LINGO2: variants seen among roughly 807,000 people sequenced by gnomAD.
LINGO2 encodes leucine-rich repeat and immunoglobulin-like domain-containing nogo receptor-interacting protein 2.
A neutral mutation model predicts 30.6 loss-of-function variants in LINGO2; 14 were observed. That is an observed-to-expected ratio of 0.46 (90% CI 0.30 to 0.72). LINGO2 has a LOEUF of 0.72. LINGO2 is among the 30% of genes least tolerant of loss of function. The probability of loss-of-function intolerance (pLI) is 0.07; values close to 1 mark genes in which losing one functional copy is unlikely to be tolerated. For synonymous variants in LINGO2, 317 were observed against 288.5 expected (o/e 1.10, Z -1.00); for missense variants, 729 against 751.7 (o/e 0.97, Z 0.35).
At chr9:28,985,661 C>A in the LINGO2 span, among the ~76,000 whole-genome samples, 1 of 151,930 alleles carries the variant, frequency 6.6e-6, no homozygotes, top group Admixed American at 6.6e-5. Context: ...TGTATGTCTT[C>A]CTTTGAGAAA....
At chr9:28,610,518 T>C (rs1286499424) in intron 1 of LINGO2, among the ~76,000 whole-genome samples, 2 of 152,172 alleles carry the variant, frequency 1.3e-5, no homozygotes, top group African/African-American at 2.4e-5. Flanking sequence ...AATTACCTTA[T>C]GAAAGGGCTA....
intron 1 of LINGO2, among the ~76,000 whole-genome samples, chr9:28,515,930 G>T (rs1425945122): frequency 1.3e-5 from 2 of 152,080 alleles, no homozygotes; most frequent in African/African-American, 2.4e-5. Context: ...TTATTTTAAA[G>T]AAATTGCCGC....
At chr9:29,190,410 A>C in the LINGO2 span, among the ~76,000 whole-genome samples, 1 of 152,198 alleles carries the variant, frequency 6.6e-6, no homozygotes, top group Admixed American at 6.5e-5. Flanking sequence ...TCCTGGCAAT[A>C]AAATGGATCT....
chr9:28,929,352 G>T, the LINGO2 span, among the ~76,000 whole-genome samples: 1 of 152,178 alleles, frequency 6.6e-6, no homozygotes, highest in Non-Finnish European at 1.5e-5. Context: ...AGGGATAAAA[G>T]AGTATTAGAA....
chr9:29,112,945 T>G, the LINGO2 span, among the ~76,000 whole-genome samples: 1 of 152,086 alleles, frequency 6.6e-6, no homozygotes, highest in Admixed American at 6.5e-5. Flanking sequence ...CAAACCCCAC[T>G]CTCATTAAGT....
chr9:29,050,567 T>A, the LINGO2 span, among the ~76,000 whole-genome samples: 1 of 152,178 alleles, frequency 6.6e-6, no homozygotes, highest in Non-Finnish European at 1.5e-5. Context: ...AAAAGAAGCA[T>A]GTATGCATAT....
chr9:29,055,940 G>GTGTATA, the LINGO2 span, among the ~76,000 whole-genome samples: 127 of 119,940 alleles, frequency 1.1e-3, no homozygotes, highest in East Asian at 3.4e-3. Context: ...ATGTGTGTGT[G>GTGTATA]TATATATACA....
At chr9:28,406,044 A>G (rs886350560) in intron 2 of LINGO2, among the ~76,000 whole-genome samples, 1 of 152,110 alleles carries the variant, frequency 6.6e-6, no homozygotes, top group African/African-American at 2.4e-5. Flanking sequence ...CAATGCATTC[A>G]TATTTTTCTT....
At chr9:28,597,720 A>C (rs1030175155) in intron 1 of LINGO2, among the ~76,000 whole-genome samples, 1 of 152,062 alleles carries the variant, frequency 6.6e-6, no homozygotes, top group Non-Finnish European at 1.5e-5. Flanking sequence ...TAATTATAAA[A>C]CTATTTTGTA....
chr9:28,030,233 G>A (rs1227756533), intron 4 of LINGO2, among the ~76,000 whole-genome samples: 1 of 152,094 alleles, frequency 6.6e-6, no homozygotes, highest in Non-Finnish European at 1.5e-5. Context: ...ACACTAACTT[G>A]GAACATGAGA....
At chr9:29,078,335 T>C in the LINGO2 span, among the ~76,000 whole-genome samples, 1 of 151,898 alleles carries the variant, frequency 6.6e-6, no homozygotes, top group Non-Finnish European at 1.5e-5. Flanking sequence ...TAATAACTTG[T>C]TTAGGAAATG....
intron 1 of LINGO2, among the ~76,000 whole-genome samples, chr9:28,498,655 C>T (rs544714530): frequency 6.6e-6 from 1 of 152,178 alleles, no homozygotes; most frequent in Admixed American, 6.5e-5. Context: ...GTGGGCTGCA[C>T]CCACTGTCCT....
intron 1 of LINGO2, among the ~76,000 whole-genome samples, chr9:28,502,658 A>T (rs924602736): frequency 2.0e-5 from 3 of 152,124 alleles, no homozygotes; most frequent in African/African-American, 7.2e-5. Context: ...GACATTTGTT[A>T]TTCAGCAGTT....
At chr9:28,267,089 C>T (rs1351223428) in intron 4 of LINGO2, among the ~76,000 whole-genome samples, 1 of 151,206 alleles carries the variant, frequency 6.6e-6, no homozygotes, top group African/African-American at 2.4e-5. Flanking sequence ...TTTGTGTAGG[C>T]CGAGGAGGAT....
intron 4 of LINGO2, among the ~76,000 whole-genome samples, chr9:28,270,562 C>A (rs1023060979): frequency 1.3e-5 from 2 of 152,010 alleles, no homozygotes; most frequent in Non-Finnish European, 2.9e-5. Flanking sequence ...ATAAATTAAG[C>A]TCCTACCAGC....
At chr9:28,580,619 T>TA (rs1438007866) in intron 1 of LINGO2, among the ~76,000 whole-genome samples, 3 of 152,024 alleles carry the variant, frequency 2.0e-5, no homozygotes, top group African/African-American at 7.2e-5. Context: ...TGGAATGTTG[T>TA]ATGGTTATAC....
At chr9:28,293,300 G>A (rs1370850642) in intron 4 of LINGO2, among the ~76,000 whole-genome samples, 1 of 151,884 alleles carries the variant, frequency 6.6e-6, no homozygotes, top group Non-Finnish European at 1.5e-5. Flanking sequence ...GTCTCACTTT[G>A]TTGTCCAGGA....
chr9:28,755,400 T>C, the LINGO2 span, among the ~76,000 whole-genome samples: 5 of 152,014 alleles, frequency 3.3e-5, no homozygotes, highest in African/African-American at 4.8e-5. Context: ...ATCTAAATAA[T>C]ACATGGAATA....
intron 4 of LINGO2, among the ~76,000 whole-genome samples, chr9:28,237,060 T>C (rs1175624959): frequency 7.9e-6 from 1 of 126,386 alleles, no homozygotes; most frequent in Admixed American, 9.2e-5. Flanking sequence ...TTTAAAGTCA[T>C]AGGGTAAAAG....
Sources: allele counts gnomAD v4.1 joint callset (sites outside exome capture counted in the v4.1 genomes callset), GRCh38; gene constraint gnomAD v4.1.1; transcripts MANE v1.5; gene names NCBI Gene and HGNC (gene_info 2026-07-23, HGNC 2026-07-21).